The following IFI44L variants were observed in gnomAD, a reference collection of about 807,000 sequenced individuals.
The protein encoded by IFI44L is interferon-induced protein 44-like.
In IFI44L, 40 loss-of-function variants were observed where a neutral mutation model predicts 39.3. The ratio of observed to expected loss-of-function variants is 1.02; its 90% CI spans 0.79 to 1.33. IFI44L has a LOEUF of 1.33. Among genes scored for constraint, IFI44L ranks in the 40% most tolerant of loss-of-function variants. The probability of loss-of-function intolerance (pLI) is 0.00; values close to 1 mark genes in which losing one functional copy is unlikely to be tolerated. For synonymous variants in IFI44L, 198 were observed against 182.3 expected (o/e 1.09, Z -0.69); for missense variants, 623 against 549.0 (o/e 1.13, Z -1.35).
Position 78,643,162 on chromosome 1 carries a change from T to TTTTTTTTTTTTTTTTTTTTTTTTTTGA in IFI44L, c.*1353_*1354insTTTTTTTTTTTTTTTTTTTTTTTTTGA, listed in dbSNP as rs1359225810. On this transcript the variant is annotated 3_prime_UTR_variant, in exon 9 of 9. Coordinates refer to ENST00000370751, the MANE Select transcript of IFI44L (RefSeq NM_006820.4). ...ATATTAAGAAAGCAAGAGTTTCTTA[T>TTTTTTTTTTTTTTTTTTTTTTTTTTGA]GTCCAGTTATGGAATATTTCCTAAA... is the stretch of plus-strand genomic sequence containing the variant. The TTTTTTTTTTTTTTTTTTTTTTTTTTGA allele has an allele frequency of 6.6e-5, 10 of 151,828 alleles. No homozygotes were observed. Among genetic ancestry groups the TTTTTTTTTTTTTTTTTTTTTTTTTTGA allele is most frequent in the Admixed American group, 1.3e-4 (2 of 15,204 alleles). 9.4% of individuals were successfully genotyped at this position (151,828 alleles called of 1,614,324 possible).
At chr1:78,626,516 G>T (rs1430025849) in intron 1 of IFI44L, 1 of 151,972 alleles carries the variant, frequency 6.6e-6, no homozygotes, top group East Asian at 1.9e-4. Context: ...CTGGAAGAAT[G>T]TTCTTTTCAT....
At chr1:78,641,189 G>C in intron 7 of IFI44L, 68 bp downstream of exon 7, 4 of 1,155,450 alleles carry the variant, frequency 3.5e-6, no homozygotes, top group Non-Finnish European at 5.2e-6. Flanking sequence ...GTGTGTTTGT[G>C]TGTGTCTGTA....
At chr1:78,634,667 C>T (rs1652872632) in intron 4 of IFI44L, among the ~76,000 whole-genome samples, 1 of 151,978 alleles carries the variant, frequency 6.6e-6, no homozygotes, top group African/African-American at 2.4e-5. Flanking sequence ...GGTAAAACTA[C>T]AGTAAAATTC....
chr1:78,630,197 T>C, intron 4 of IFI44L: 1 of 302,342 alleles, frequency 3.3e-6, no homozygotes, highest in Admixed American at 4.8e-5. Context: ...TTGACCATTA[T>C]ATATGATGTT....
At chr1:78,638,570 C>A (rs1382051956) in intron 6 of IFI44L, among the ~76,000 whole-genome samples, 1 of 151,996 alleles carries the variant, frequency 6.6e-6, no homozygotes, top group Non-Finnish European at 1.5e-5. Flanking sequence ...TTCACTTGTT[C>A]ATCACTTTGC....
intron 4 of IFI44L, among the ~76,000 whole-genome samples, chr1:78,633,715 C>T (rs899870831): frequency 5.3e-5 from 8 of 152,092 alleles, no homozygotes; most frequent in Non-Finnish European, 8.8e-5. Context: ...GAGAAAATAA[C>T]GTGCCAGTGG....
chr1:78,624,511 G>C (rs1434084964), intron 1 of IFI44L, among the ~76,000 whole-genome samples: 1 of 152,134 alleles, frequency 6.6e-6, no homozygotes, highest in African/African-American at 2.4e-5. Context: ...CTATCCTGGA[G>C]AACGCTCCTA....
In IFI44L at chr1:78,637,275, G is replaced by T. The variant is rs892396688; in HGVS notation, c.1048+72G>T. The T allele has an allele frequency of 6.9e-6, 8 of 1,161,488 alleles. No homozygotes were observed. In the Admixed American group the frequency reaches 1.0e-4, roughly 15 times the overall value. The allele number at this position is 1,161,488 out of a possible 1,614,324, so 71.9% of individuals were successfully genotyped here. ...AGATTTGTAGGAAGTTGCAAAGAGA[G>T]TACAGAGATTTCCCATGTACCTTTC... On this transcript the variant is annotated intron_variant, in intron 6 of 8. Coordinates refer to ENST00000370751, the MANE Select transcript of IFI44L (RefSeq NM_006820.4).
In IFI44L at chr1:78,642,872, C is replaced by T. The variant is rs1261432580; in HGVS notation, c.*1063C>T. 6.6e-6 allele frequency: 1 copy of T among 151,902 alleles called. No individual in the cohort carries two copies. The highest frequency in any genetic ancestry group is 1.5e-5 in the Non-Finnish European group (1 of 67,948). The allele number at this position is 151,902 out of a possible 1,614,324, so 9.4% of individuals were successfully genotyped here. ...TGTCCTTCCATTTAGGTTACTGGGG[C>T]AAATCAGTAAGAAAGTTCTTATATT... On this transcript the variant is annotated 3_prime_UTR_variant, in exon 9 of 9. Transcript: ENST00000370751.
Position 78,644,964 on chromosome 1 carries a change from A to T in IFI44L, c.*3155A>T, listed in dbSNP as rs1170641169. ...CTCAATAAAATATAGAGAAAAGAAA[A>T]ATAGAGCAGTTTGAGTTCTATGAGG... On this transcript the variant is annotated 3_prime_UTR_variant, in exon 9 of 9. Transcript: ENST00000370751. 5.3e-5 allele frequency: 8 copies of T among 152,144 alleles called. No homozygotes were observed. The highest frequency in any genetic ancestry group is 1.2e-4 in the Non-Finnish European group (8 of 68,020). The allele number at this position is 152,144 out of a possible 1,614,324, so 9.4% of individuals were successfully genotyped here.
intron 1 of IFI44L, among the ~76,000 whole-genome samples, chr1:78,621,267 T>G (rs374710486): frequency 8.5e-5 from 13 of 152,278 alleles, no homozygotes; most frequent in African/African-American, 3.1e-4. Flanking sequence ...TCTATGACTC[T>G]CTACTATATA....
intron 1 of IFI44L, among the ~76,000 whole-genome samples, chr1:78,624,988 C>A (rs1042167689): frequency 6.6e-6 from 1 of 151,490 alleles, no homozygotes; most frequent in East Asian, 1.9e-4. Context: ...GTTCTTAAGT[C>A]TAAGTGAGTT....
At chr1:78,623,294 G>A (rs1652346422) in intron 1 of IFI44L, among the ~76,000 whole-genome samples, 1 of 151,040 alleles carries the variant, frequency 6.6e-6, no homozygotes, top group South Asian at 2.1e-4. Context: ...AGGAAAAGCT[G>A]TCAGTTTTTC....
At position 78,628,032 on chromosome 1, in the gene IFI44L, T is replaced by C; in HGVS notation, c.117T>C (p.Asp39=). 1 of 1,613,244 alleles carries C rather than the reference T, an allele frequency of 6.2e-7. No individual in the cohort carries two copies. Among genetic ancestry groups the C allele is most frequent in the Non-Finnish European group, 8.5e-7 (1 of 1,179,440 alleles). Reference sequence around the variant, plus strand: ...GTGTTCATGGAGGTAGCATTGAAGATATGGTTGAAAGATGCAGCCGTCAGG... The same window carrying C: ...GTGTTCATGGAGGTAGCATTGAAGACATGGTTGAAAGATGCAGCCGTCAGG... ...KSSVHGGSIE[D]MVERCSRQGC... is the part of the protein sequence containing the mutation. Residue 39 remains aspartate (D), a synonymous_variant, in exon 2 of 9, where the codon GAT becomes GAC. Transcript: ENST00000370751.
chr1:78,644,038 A>G lies in IFI44L; in HGVS notation c.*2229A>G, dbSNP rs1306870024. On this transcript the variant is annotated 3_prime_UTR_variant, in exon 9 of 9. Transcript: ENST00000370751. ...CAGTTACCATACAAATGTAGAAGCAACAGGTCCAAAAAGTAGGGCATGATT... is the reference window on the plus strand; with the variant it reads ...CAGTTACCATACAAATGTAGAAGCAGCAGGTCCAAAAAGTAGGGCATGATT... The G allele has an allele frequency of 6.6e-6, 1 of 152,146 alleles. No homozygotes were observed. The highest frequency in any genetic ancestry group is 1.5e-5 in the Non-Finnish European group (1 of 68,012). 9.4% of individuals were successfully genotyped at this position (152,146 alleles called of 1,614,324 possible).
In IFI44L at chr1:78,644,437, T is replaced by A. The variant is rs952087441; in HGVS notation, c.*2628T>A. On this transcript the variant is annotated 3_prime_UTR_variant, in exon 9 of 9. Coordinates refer to ENST00000370751, the MANE Select transcript of IFI44L (RefSeq NM_006820.4). ...GCAAAATGATACCACAACTTCTTAT[T>A]CTCTGGCTCTATATTGCTTTGGAAA... is the stretch of plus-strand genomic sequence containing the variant. The A allele has an allele frequency of 3.3e-5, 5 of 152,198 alleles. No individual in the cohort carries two copies. The East Asian group carries it at 9.6e-4, about 29-fold the overall frequency. 9.4% of individuals were successfully genotyped at this position (152,198 alleles called of 1,614,324 possible).
Position 78,628,153 on chromosome 1 carries a change from A to G in IFI44L, c.238A>G (p.Asn80Asp). 1 of 1,612,476 alleles carries G rather than the reference A, an allele frequency of 6.2e-7. No individual in the cohort carries two copies. The highest frequency in any genetic ancestry group is 1.3e-5 in the African/African-American group (1 of 74,986). The change falls in exon 2 of 9, where the codon AAT (asparagine) becomes GAT (aspartate). Residue 80 changes from asparagine to aspartate, a missense_variant. Physicochemically the swap from Asn to Asp is conservative, Grantham distance 23. Transcript: ENST00000370751. ...TTTACATGAAAGTTCTACAGAGCCA[A>G]ATGATTCCCTATGGTTTTCACTTCA... Reference protein sequence around the residue: ...INLHESSTEPNDSLWFSLQKK... With the variant: ...INLHESSTEPDDSLWFSLQKK...
chr1:78,633,714 A>T (rs1039912782), intron 4 of IFI44L, among the ~76,000 whole-genome samples: 2 of 152,228 alleles, frequency 1.3e-5, no homozygotes, highest in African/African-American at 4.8e-5. Context: ...AGAGAAAATA[A>T]CGTGCCAGTG....
chr1:78,638,839 C>A (rs1013517028), intron 6 of IFI44L, among the ~76,000 whole-genome samples: 1 of 152,108 alleles, frequency 6.6e-6, no homozygotes, highest in African/African-American at 2.4e-5. Context: ...TAGCTTTTCT[C>A]ATTCAAGTTG....
Sources: gnomAD v4.1 joint callset for allele counts (sites outside exome capture counted in the v4.1 genomes callset) on GRCh38, gnomAD v4.1.1 for gene constraint, MANE v1.5 for transcripts, NCBI Gene and HGNC (gene_info 2026-07-23, HGNC 2026-07-21) for gene names.